LRRC4C: variants seen among roughly 807,000 people sequenced by gnomAD.
The protein encoded by LRRC4C is leucine rich repeat containing 4C.
A neutral mutation model predicts 33.6 loss-of-function variants in LRRC4C; 5 were observed. The observed-to-expected ratio is 0.15, with a 90% CI of 0.08 to 0.31. LRRC4C has a LOEUF of 0.31. Among genes scored for constraint, LRRC4C ranks in the 10% least tolerant of loss-of-function variants. The probability of loss-of-function intolerance (pLI) is 1.00; values close to 1 mark genes in which losing one functional copy is unlikely to be tolerated. For missense variants in LRRC4C, 560 were observed against 796.7 expected (o/e 0.70, Z 3.58); for synonymous variants, 329 against 302.0 (o/e 1.09, Z -0.93).
intron 2 of LRRC4C, among the ~76,000 whole-genome samples, chr11:40,857,684 G>A (rs751666964): frequency 3.4e-4 from 51 of 152,166 alleles, no homozygotes; most frequent in Non-Finnish European, 7.3e-4. Flanking sequence ...GGAGGCCGAG[G>A]CAGGTAGATT....
intron 1 of LRRC4C, among the ~76,000 whole-genome samples, chr11:41,303,036 GT>G (rs1369360099): frequency 6.6e-6 from 1 of 151,758 alleles, no homozygotes; most frequent in Non-Finnish European, 1.5e-5. Flanking sequence ...TGTTCATCAT[GT>G]TTTTTGGTGT....
chr11:41,456,544 G>C (rs1050117130), intron 1 of LRRC4C, among the ~76,000 whole-genome samples: 3 of 152,066 alleles, frequency 2.0e-5, no homozygotes, highest in African/African-American at 7.2e-5. Context: ...CCAGAGAAAG[G>C]CCTGACAAAT....
chr11:41,218,139 CA>C (rs57736277), intron 1 of LRRC4C, among the ~76,000 whole-genome samples: 136,346 of 142,924 alleles, frequency 0.95, 64,999 homozygotes, highest in South Asian at 0.99. Flanking sequence ...TCAAGGTCAC[CA>C]AAAAAAAAAA....
chr11:40,401,025 A>G (rs1949738142), intron 3 of LRRC4C, among the ~76,000 whole-genome samples: 2 of 152,148 alleles, frequency 1.3e-5, no homozygotes, highest in South Asian at 2.1e-4. Context: ...CTCGATAAAT[A>G]TTTATTAAAA....
rs142214490 is a variant in LRRC4C, at chr11:40,313,878, G to T, written c.-176+5750C>A. 8.5e-3 allele frequency among the ~76,000 whole-genome samples: 1,296 copies of T among 152,092 alleles called. 19 individuals are homozygous for T. The highest frequency in any genetic ancestry group is 0.03 in the African/African-American group (1,234 of 41,416). On this transcript the variant is annotated intron_variant, in intron 4 of 6. Transcript: ENST00000528697. Reference sequence around the variant, plus strand: ...TCCGCCTGCCTCGGCCTCCCAAAGTGCTGGGATTACAGGCGTGAGCCGCCG... The same window carrying T: ...TCCGCCTGCCTCGGCCTCCCAAAGTTCTGGGATTACAGGCGTGAGCCGCCG...
chr11:41,293,251 GTT>G (rs1476058696), intron 1 of LRRC4C, among the ~76,000 whole-genome samples: 1 of 151,928 alleles, frequency 6.6e-6, no homozygotes, highest in Non-Finnish European at 1.5e-5. Context: ...ATTTGTCTTT[GTT>G]TTCAAAATTA....
intron 3 of LRRC4C, among the ~76,000 whole-genome samples, chr11:40,341,013 G>C (rs898310306): frequency 6.6e-6 from 1 of 152,070 alleles, no homozygotes; most frequent in African/African-American, 2.4e-5. Context: ...AATAAACTAA[G>C]TAAATCTTGG....
At chr11:40,779,785 C>T (rs150605127) in intron 2 of LRRC4C, among the ~76,000 whole-genome samples, 1 of 152,284 alleles carries the variant, frequency 6.6e-6, no homozygotes, top group African/African-American at 2.4e-5. Context: ...GGGGCGTTTA[C>T]ACACAGACCA....
intron 3 of LRRC4C, among the ~76,000 whole-genome samples, chr11:40,549,242 A>G (rs896552062): frequency 2.0e-5 from 3 of 152,268 alleles, no homozygotes; most frequent in African/African-American, 7.2e-5. Flanking sequence ...TCAGGCTAAG[A>G]TACTGGTTAA....
intron 1 of LRRC4C, among the ~76,000 whole-genome samples, chr11:41,015,700 G>GA (rs1274293664): frequency 2.0e-5 from 3 of 152,018 alleles, no homozygotes; most frequent in South Asian, 4.2e-4. Context: ...TTTAAATTTG[G>GA]AAAAAAATAT....
chr11:40,871,868 T>C (rs901554393), intron 2 of LRRC4C, among the ~76,000 whole-genome samples: 1 of 152,196 alleles, frequency 6.6e-6, no homozygotes, highest in African/African-American at 2.4e-5. Context: ...TTCCTTGCCA[T>C]GGATCTGTAA....
At chr11:40,884,477 A>G (rs1231754879) in intron 2 of LRRC4C, among the ~76,000 whole-genome samples, 2 of 152,098 alleles carry the variant, frequency 1.3e-5, no homozygotes, top group Admixed American at 6.6e-5. Context: ...TAGATCCTTG[A>G]GGAATCACCA....
intron 3 of LRRC4C, among the ~76,000 whole-genome samples, chr11:40,459,645 C>A (rs190149024): frequency 6.6e-6 from 1 of 152,274 alleles, no homozygotes; most frequent in Admixed American, 6.5e-5. Flanking sequence ...ATTCTTAGAA[C>A]CGGAGCAGAT....
At chr11:40,701,136 T>C (rs1302739530) in intron 2 of LRRC4C, among the ~76,000 whole-genome samples, 4 of 152,162 alleles carry the variant, frequency 2.6e-5, no homozygotes, top group Admixed American at 1.3e-4. Flanking sequence ...AAGATTTAAT[T>C]ATAATCAAAA....
In LRRC4C at chr11:41,260,895, A is replaced by T. The variant is rs1034836327; in HGVS notation, c.-496+198536T>A. ...AATTGACTGAAAGTATGTATAAGAC[A>T]TTATTAGATCTTCCCCTAGTCTTCA... On this transcript the variant is annotated intron_variant, in intron 1 of 6. Coordinates refer to ENST00000528697, the MANE Select transcript of LRRC4C (RefSeq NM_001258419.2). Among the ~76,000 whole-genome samples, 6 of 152,216 alleles carry T rather than the reference A, an allele frequency of 3.9e-5. No homozygotes were observed. The East Asian group carries it at 1.2e-3, about 29-fold the overall frequency.
chr11:40,447,231 A>G (rs1000892072), intron 3 of LRRC4C: 1 of 153,830 alleles, frequency 6.5e-6, no homozygotes, highest in African/African-American at 2.4e-5. Context: ...TGAGATCAAC[A>G]TATGTGTTGG....
At chr11:40,439,276 G>A (rs1486063559) in intron 3 of LRRC4C, among the ~76,000 whole-genome samples, 5 of 151,444 alleles carry the variant, frequency 3.3e-5, no homozygotes, top group South Asian at 4.2e-4. Flanking sequence ...GAATGGTCAA[G>A]GGCAAGGAAA....
chr11:40,854,609 T>C (rs896045652), intron 2 of LRRC4C, among the ~76,000 whole-genome samples: 60 of 152,162 alleles, frequency 3.9e-4, no homozygotes, highest in African/African-American at 1.4e-3. Flanking sequence ...TTTCATACAA[T>C]GCCTTTTTTT....
chr11:40,531,711 A>G (rs941723136), intron 3 of LRRC4C, among the ~76,000 whole-genome samples: 4 of 151,982 alleles, frequency 2.6e-5, no homozygotes, highest in Non-Finnish European at 5.9e-5. Context: ...GAGAATAGGT[A>G]TTATTGAGAT....
Sources: gnomAD v4.1 joint callset for allele counts (sites outside exome capture counted in the v4.1 genomes callset) on GRCh38, gnomAD v4.1.1 for gene constraint, MANE v1.5 for transcripts, NCBI Gene and HGNC (gene_info 2026-07-23, HGNC 2026-07-21) for gene names.